Variants in CCDC178 observed in about 807,000 individuals in gnomAD.
The protein encoded by CCDC178 is coiled-coil domain containing 178.
Under a neutral mutation model 117.4 loss-of-function variants are expected in CCDC178, and 126 were observed. The observed-to-expected ratio is 1.07, with a 90% CI of 0.93 to 1.24. CCDC178 has a LOEUF of 1.24. Ranked by LOEUF, CCDC178 falls within the 50% of genes most tolerant of loss-of-function variation. CCDC178 has a pLI of 0.00. For synonymous variants in CCDC178, 283 were observed against 313.4 expected (o/e 0.90, Z 1.02); for missense variants, 1,030 against 986.9 (o/e 1.04, Z -0.59).
At chr18:33,192,988 G>T (rs556757359) in intron 20 of CCDC178, among the ~76,000 whole-genome samples, 1 of 151,160 alleles carries the variant, frequency 6.6e-6, no homozygotes, top group African/African-American at 2.4e-5. Flanking sequence ...GGCTGGGCGC[G>T]GTGGCTCACA....
intron 21 of CCDC178, among the ~76,000 whole-genome samples, chr18:33,000,645 C>T (rs555021889): frequency 1.8e-4 from 28 of 152,188 alleles, no homozygotes; most frequent in African/African-American, 9.6e-5. Context: ...GACTTTTCAG[C>T]GGAAAACTTA....
intron 20 of CCDC178, among the ~76,000 whole-genome samples, chr18:33,179,539 A>C (rs1163765050): frequency 1.3e-5 from 2 of 152,034 alleles, no homozygotes. Context: ...TAATTTTAAA[A>C]AGAAATAGCA....
intron 20 of CCDC178, among the ~76,000 whole-genome samples, chr18:33,202,391 TAAAAAAAAAAAAAAAAA>T (rs60997290): frequency 4.9e-4 from 10 of 20,284 alleles, no homozygotes; most frequent in Non-Finnish European, 8.5e-4. Flanking sequence ...GACTCCATCT[TAAAAAAAAAAAAAAAAA>T]AAAAAAAAAA....
At chr18:33,258,671 G>A (rs1167474326) in intron 14 of CCDC178, among the ~76,000 whole-genome samples, 1 of 152,106 alleles carries the variant, frequency 6.6e-6, no homozygotes, top group Admixed American at 6.6e-5. Flanking sequence ...CACAAAGCAG[G>A]TGCTCAGGAC....
intron 3 of CCDC178, among the ~76,000 whole-genome samples, chr18:33,403,118 C>T (rs2063731967): frequency 6.6e-6 from 1 of 152,164 alleles, no homozygotes; most frequent in Non-Finnish European, 1.5e-5. Flanking sequence ...TAATCTCTCA[C>T]CTCTGGTTGA....
intron 20 of CCDC178, among the ~76,000 whole-genome samples, chr18:33,155,158 T>A (rs1442486954): frequency 6.6e-6 from 1 of 152,152 alleles, no homozygotes; most frequent in Admixed American, 6.5e-5. Context: ...TTGTACAACG[T>A]ATGTTCTCTG....
chr18:33,387,937 G>C (rs1184150025), intron 5 of CCDC178, among the ~76,000 whole-genome samples: 1 of 151,938 alleles, frequency 6.6e-6, no homozygotes, highest in Admixed American at 6.6e-5. Context: ...CTACAGAATG[G>C]GAGAAAATTT....
intron 20 of CCDC178, among the ~76,000 whole-genome samples, chr18:33,179,093 A>ATATATATATATATAAAC (rs1598967563): frequency 9.0e-6 from 1 of 111,578 alleles, no homozygotes; most frequent in Non-Finnish European, 1.7e-5. Context: ...ATATATATAT[A>ATATATATATATATAAAC]TATATATATA....
At chr18:33,199,390 G>T (rs2058967672) in intron 20 of CCDC178, among the ~76,000 whole-genome samples, 3 of 152,116 alleles carry the variant, frequency 2.0e-5, no homozygotes, top group African/African-American at 7.2e-5. Context: ...TTGGCCCATG[G>T]TACTCAGTCT....
intron 20 of CCDC178, among the ~76,000 whole-genome samples, chr18:33,152,382 T>G (rs1385826925): frequency 6.6e-6 from 1 of 152,056 alleles, no homozygotes; most frequent in Non-Finnish European, 1.5e-5. Flanking sequence ...CCCTTGAATC[T>G]GGGCTTAAGC....
chr18:33,403,008 G>A (rs1343040613), intron 3 of CCDC178, among the ~76,000 whole-genome samples: 1 of 152,294 alleles, frequency 6.6e-6, no homozygotes, highest in African/African-American at 2.4e-5. Context: ...GAGAACTAGT[G>A]CAATAGACAA....
chr18:33,279,984 A>G (rs2060000997), intron 12 of CCDC178, among the ~76,000 whole-genome samples: 1 of 151,910 alleles, frequency 6.6e-6, no homozygotes, highest in South Asian at 2.1e-4. Flanking sequence ...TATTAGACCT[A>G]AAACCATAAA....
chr18:33,221,321 A>G (rs1425603921), intron 18 of CCDC178, among the ~76,000 whole-genome samples: 1 of 152,078 alleles, frequency 6.6e-6, no homozygotes, highest in Non-Finnish European at 1.5e-5. Flanking sequence ...CTCTAGTCCC[A>G]CCTCTATTGA....
At chr18:33,186,213 A>G (rs554338785) in intron 20 of CCDC178, among the ~76,000 whole-genome samples, 1 of 152,114 alleles carries the variant, frequency 6.6e-6, no homozygotes, top group East Asian at 1.9e-4. Flanking sequence ...TTAAAATTAC[A>G]TATCACTCTT....
intron 2 of CCDC178, among the ~76,000 whole-genome samples, chr18:33,439,436 A>G (rs1264741730): frequency 6.6e-6 from 1 of 152,208 alleles, no homozygotes; most frequent in African/African-American, 2.4e-5. Flanking sequence ...CATATTTTCG[A>G]TAGTTCTGGA....
chr18:32,952,507 C>T (rs2054508326), intron 22 of CCDC178, among the ~76,000 whole-genome samples: 1 of 152,136 alleles, frequency 6.6e-6, no homozygotes, highest in African/African-American at 2.4e-5. Flanking sequence ...CAACAGGACA[C>T]CATGTTCTTT....
chr18:33,164,841 A>T (rs538019449), intron 20 of CCDC178, among the ~76,000 whole-genome samples: 1 of 152,306 alleles, frequency 6.6e-6, no homozygotes, highest in East Asian at 1.9e-4. Context: ...ACTCAGCAAG[A>T]GGTAGTTTTT....
intron 5 of CCDC178, among the ~76,000 whole-genome samples, chr18:33,378,448 T>C (rs1289242341): frequency 1.3e-5 from 2 of 152,182 alleles, no homozygotes; most frequent in East Asian, 1.9e-4. Flanking sequence ...TCTCACCTGA[T>C]TGCTATGGCA....
intron 21 of CCDC178, among the ~76,000 whole-genome samples, chr18:33,068,451 C>A (rs1453380318): frequency 6.6e-6 from 1 of 152,116 alleles, no homozygotes; most frequent in African/African-American, 2.4e-5. Context: ...TACAACAACA[C>A]ATCAAAAAGA....
Sources: allele counts gnomAD v4.1 joint callset (sites outside exome capture counted in the v4.1 genomes callset), GRCh38; gene constraint gnomAD v4.1.1; transcripts MANE v1.5; gene names NCBI Gene and HGNC (gene_info 2026-07-23, HGNC 2026-07-21).